The following SALL1 variants were observed in gnomAD, a reference collection of about 807,000 sequenced individuals.
The protein encoded by SALL1 is spalt like transcription factor 1.
In SALL1, 10 loss-of-function variants were observed where a neutral mutation model predicts 73.1. That is an observed-to-expected ratio of 0.14 (90% CI 0.08 to 0.23). The LOEUF is 0.23. Among genes scored for constraint, SALL1 ranks in the 10% least tolerant of loss-of-function variants. SALL1 has a pLI of 1.00. For synonymous variants in SALL1, 688 were observed against 689.8 expected, an observed-to-expected ratio of 1.00 and a Z score of 0.04; for missense variants, 1,520 against 1,697.3, an observed-to-expected ratio of 0.90 and a Z score of 1.84.
In SALL1 at chr16:51,142,515, T is replaced by C. The variant is rs143012452; in HGVS notation, c.77-370A>G. ...AAACCATTCTGAGGACTTATTAGGC[T>C]CTTGAGTTTCTGTCAACCTTATTCA... On this transcript the variant is annotated intron_variant, in intron 1 of 2. Coordinates refer to ENST00000251020, the MANE Select transcript of SALL1 (RefSeq NM_002968.3). Among the ~76,000 whole-genome samples, 160 of 152,326 alleles carry C rather than the reference T, an allele frequency of 1.1e-3. 1 individual carries two copies. The highest frequency in any genetic ancestry group is 3.7e-3 in the African/African-American group (154 of 41,566).
At chr16:51,143,683 A>G (rs1468291534) in intron 1 of SALL1, among the ~76,000 whole-genome samples, 1 of 152,198 alleles carries the variant, frequency 6.6e-6, no homozygotes, top group East Asian at 1.9e-4. Flanking sequence ...CCAGAAAATA[A>G]AATTAATACC....
Position 51,137,264 on chromosome 16 carries a change from C to T in SALL1, c.3823G>A (p.Val1275Ile), listed in dbSNP as rs4614723. ...GSLGSGNSSP[V>I]SGLTGNLERL... ...TCCAGGTTTCCCGTCAGCCCACTAA[C>T]AGGTGAGCTGTTCCCACTGCCGAGG... is the stretch of plus-strand genomic sequence containing the variant. The change falls in exon 3 of 3, where the codon GTT becomes ATT. Residue 1275 changes from valine to isoleucine, a missense_variant. This residue lies in a region of SALL1 where 318 missense variants were observed against 357.1 expected (regional missense o/e 0.89). Transcript: ENST00000251020. The T allele has an allele frequency of 1, 1,610,748 of 1,614,030 alleles. 803,803 individuals are homozygous for T. The highest frequency in any genetic ancestry group is 1 in the East Asian group (44,846 of 44,846).
intron 1 of SALL1, 37 bp from the exon 2 acceptor site, chr16:51,142,182 G>A: frequency 6.7e-7 from 1 of 1,495,540 alleles, no homozygotes; most frequent in Non-Finnish European, 9.3e-7. Context: ...TAGAAAAGGG[G>A]CCAGGACACA....
At chr16:51,149,736 G>A (rs1344656986) in intron 1 of SALL1, 3 of 152,166 alleles carry the variant, frequency 2.0e-5, no homozygotes, top group Non-Finnish European at 4.4e-5. Context: ...GGGAGCGGGG[G>A]TCCCTTCGCT....
chr16:51,151,069 G>T, intron 1 of SALL1, 97 bp downstream of exon 1: 2 of 778,036 alleles, frequency 2.6e-6, no homozygotes, highest in Non-Finnish European at 1.9e-6. Flanking sequence ...CGGCGGTGAG[G>T]TAGGGGGCGC....
At chr16:51,150,465 C>T (rs908770685) in intron 1 of SALL1, 1 of 985,470 alleles carries the variant, frequency 1.0e-6, no homozygotes, top group African/African-American at 1.7e-5. Context: ...CCGACACTTT[C>T]CCCGTCCGTT....
intron 1 of SALL1, chr16:51,150,326 C>T (rs191574359): frequency 1.9e-4 from 167 of 875,338 alleles, no homozygotes; most frequent in Non-Finnish European, 2.1e-4. Context: ...ATGACTTCTT[C>T]CCTGACCCCC....
rs767301795 is a variant in SALL1 at position 51,139,940 on chromosome 16, G to A, written c.2282C>T (p.Pro761Leu). 8 of 1,614,186 alleles carry A rather than the reference G, an allele frequency of 5.0e-6. No homozygotes were observed. The highest frequency in any genetic ancestry group is 1.7e-5 in the Admixed American group (1 of 60,020). ...THYSVHRAMP[P>L]LRVQHSCPIC... The stretch of plus-strand genomic sequence containing the variant: ...GGGGCAGGAATGCTGGACTCTGAGC[G>A]GGGGCATAGCACGATGGACACTGTA... Residue 761 changes from proline to leucine, a missense_variant, in exon 2 of 3, where the codon CCG becomes CTG. Physicochemically the swap from Pro to Leu is moderately conservative, Grantham distance 98. Coordinates refer to ENST00000251020, the MANE Select transcript of SALL1 (RefSeq NM_002968.3).
upstream of SALL1, among the ~76,000 whole-genome samples, chr16:51,151,910 G>A (rs2143482293): frequency 6.6e-6 from 1 of 151,930 alleles, no homozygotes; most frequent in African/African-American, 2.4e-5. Flanking sequence ...GCCCGCGGGG[G>A]GAGGGAGTCC....
rs778734691 is a variant in SALL1 at position 51,139,657 on chromosome 16, A to C, written c.2565T>G (p.Pro855=). The C allele has an allele frequency of 2.5e-5, 40 of 1,613,826 alleles. 1 individual carries two copies. The highest frequency in any genetic ancestry group is 3.0e-5 in the Non-Finnish European group (35 of 1,179,824). The change falls in exon 2 of 3, where the codon CCT becomes CCG. Residue 855 remains proline (P), a synonymous_variant. Coordinates refer to ENST00000251020, the MANE Select transcript of SALL1 (RefSeq NM_002968.3). ...DASQDSLSSS[P]LPLEMSSIAA... ...CGATGCTCGACATCTCGAGGGGCAA[A>C]GGCGAAGAGGATAAGCTGTCTTGGG... is the stretch of plus-strand genomic sequence containing the variant.
At chr16:51,142,824 A>G (rs933278467) in intron 1 of SALL1, among the ~76,000 whole-genome samples, 7 of 152,196 alleles carry the variant, frequency 4.6e-5, no homozygotes, top group African/African-American at 1.4e-4. Context: ...GAGAAACACA[A>G]TGATCCTAAT....
In SALL1 at chr16:51,141,644, C is replaced by T. The variant is rs761370236; in HGVS notation, c.578G>A (p.Ser193Asn). Residue 193 changes from serine to asparagine, a missense_variant, in exon 2 of 3, where the codon AGC (serine) becomes AAC (asparagine). Ser to Asn is a conservative substitution (Grantham distance 46, BLOSUM62 1). This residue lies in a region of SALL1 where 540 missense variants were observed against 567.5 expected (regional missense o/e 0.95). Transcript: ENST00000251020. The surrounding 1 kb of genome is among the most constrained non-coding windows in gnomAD (Gnocchi z 5.4). Reference sequence around the variant, plus strand: ...CTGGAGGTTCTCGATGATGACGTTGCTGTTGATTACGGAGAAGTTGCCCAG... The same window carrying T: ...CTGGAGGTTCTCGATGATGACGTTGTTGTTGATTACGGAGAAGTTGCCCAG... ...TTLGNFSVIN[S>N]NVIIENLQST... 2 of 1,613,774 alleles carry T rather than the reference C, an allele frequency of 1.2e-6. No individual in the cohort carries two copies. The highest frequency in any genetic ancestry group is 1.7e-6 in the Non-Finnish European group (2 of 1,180,030).
chr16:51,140,927 T>G lies in SALL1; in HGVS notation c.1295A>C (p.Asn432Thr). 1 of 1,614,204 alleles carries G rather than the reference T, an allele frequency of 6.2e-7. No individual in the cohort carries two copies. Among genetic ancestry groups the G allele is most frequent in the Non-Finnish European group, 8.5e-7 (1 of 1,180,044 alleles). ...ACTTTTCGCTTCAAAGGCAGTGACA[T>G]TTGGTGGCTTGCTTTTTCTTTGCTG... is the stretch of plus-strand genomic sequence containing the variant. ...LAQQRKSKPP[N>T]VTAFEAKSTS... Residue 432 changes from asparagine to threonine, a missense_variant, in exon 2 of 3, where the codon AAT becomes ACT. By Grantham distance (65) the Asn-to-Thr change is moderately conservative. Coordinates refer to ENST00000251020, the MANE Select transcript of SALL1 (RefSeq NM_002968.3). This position sits in a 1 kb window ranked among gnomAD's most constrained non-coding sequence, Gnocchi z 5.7.
chr16:51,139,422 T>C lies in SALL1; in HGVS notation c.2800A>G (p.Ser934Gly). 1 of 1,614,178 alleles carries C rather than the reference T, an allele frequency of 6.2e-7. No individual in the cohort carries two copies. The highest frequency in any genetic ancestry group is 1.1e-5 in the South Asian group (1 of 91,074). Residue 934 changes from serine to glycine, a missense_variant, in exon 2 of 3, where the codon AGC becomes GGC. Physicochemically the swap from Ser to Gly is moderately conservative, Grantham distance 56 (BLOSUM62 0). Transcript: ENST00000251020. The stretch of plus-strand genomic sequence containing the variant: ...GGTGACTTGTGGAACTCCTGCGTGC[T>C]GTTGGACGGGGACAGAGCCTGCATG... ...SSMQALSPSN[S>G]TQEFHKSPSI...
chr16:51,141,824 T>G lies in SALL1; in HGVS notation c.398A>C (p.Asn133Thr), dbSNP rs1262854281. 1.2e-6 allele frequency: 2 copies of G among 1,613,912 alleles called. No homozygotes were observed. Among genetic ancestry groups the G allele is most frequent in the Admixed American group, 1.7e-5 (1 of 60,014 alleles). ...GCTGGAAGTGCCGCTGCCGCTTTTGTTAGCAACCGGGGCCTCCACCTCCAT... is the reference window on the plus strand; with the variant it reads ...GCTGGAAGTGCCGCTGCCGCTTTTGGTAGCAACCGGGGCCTCCACCTCCAT... The part of the protein sequence containing the change: ...ESMEVEAPVA[N>T]KSGSGTSSGS... The change falls in exon 2 of 3, where the codon AAC (asparagine) becomes ACC (threonine). Residue 133 changes from asparagine (N) to threonine (T), a missense_variant. Asn to Thr is a moderately conservative substitution (Grantham distance 65). This residue lies in a region of SALL1 where 540 missense variants were observed against 567.5 expected (regional missense o/e 0.95). Coordinates refer to ENST00000251020, the MANE Select transcript of SALL1 (RefSeq NM_002968.3). This position sits in a 1 kb window ranked among gnomAD's most constrained non-coding sequence, Gnocchi z 5.4.
Position 51,137,422 on chromosome 16 carries a change from G to T in SALL1, c.3665C>A (p.Ala1222Glu). 6.2e-7 allele frequency: 1 copy of T among 1,614,064 alleles called. No individual in the cohort carries two copies. Among genetic ancestry groups the T allele is most frequent in the Non-Finnish European group, 8.5e-7 (1 of 1,180,014 alleles). Residue 1222 changes from alanine (A) to glutamate (E), a missense_variant, in exon 3 of 3, where the codon GCG becomes GAG. By Grantham distance (107) the Ala-to-Glu change is moderately radical. Around this residue, in one of 7 missense-constraint regions of SALL1, gnomAD observed 318 missense variants for 357.1 expected, o/e 0.89. Transcript: ENST00000251020. ...KFPEMFQKDL[A>E]ARSGSGDPSS... Reference sequence around the variant, plus strand: ...AGGATCCCCACTTCCTGATCTTGCCGCCAAATCCTTCTGGAACATTTCTGG... The same window carrying T: ...AGGATCCCCACTTCCTGATCTTGCCTCCAAATCCTTCTGGAACATTTCTGG...
chr16:51,140,577 G>A lies in SALL1; in HGVS notation c.1645C>T (p.Pro549Ser). Reference protein sequence around the residue: ...TSWLDTKPVLPTLTTSVGLPL... With the variant: ...TSWLDTKPVLSTLTTSVGLPL... ...AGGCCGACTGAAGTGGTCAGAGTAG[G>A]CAGGACTGGTTTGGTGTCTAGCCAG... The change falls in exon 2 of 3, where the codon CCT becomes TCT. Residue 549 changes from proline to serine, a missense_variant. Around this residue, in one of 7 missense-constraint regions of SALL1, gnomAD observed 276 missense variants for 259.1 expected, o/e 1.07. Coordinates refer to ENST00000251020, the MANE Select transcript of SALL1 (RefSeq NM_002968.3). The surrounding 1 kb of genome is among the most constrained non-coding windows in gnomAD (Gnocchi z 5.7). 6.2e-7 allele frequency: 1 copy of A among 1,614,102 alleles called. No homozygotes were observed. The highest frequency in any genetic ancestry group is 1.1e-5 in the South Asian group (1 of 91,070).
intron 1 of SALL1, among the ~76,000 whole-genome samples, chr16:51,148,669 C>T (rs956283680): frequency 1.3e-5 from 2 of 152,144 alleles, no homozygotes; most frequent in Non-Finnish European, 2.9e-5. Context: ...ACTTTCAATG[C>T]CATTTATTTC....
Position 51,142,100 on chromosome 16 carries a change from T to A in SALL1, c.122A>T (p.Asp41Val). The stretch of plus-strand genomic sequence containing the variant: ...ACAGCACCGGCCACAGACGTGGGCA[T>A]CCTTGCTCTTAGTAGGGCGACTCGG... The part of the protein sequence containing the change: ...GQPSRPTKSK[D>V]AHVCGRCCAE... The change falls in exon 2 of 3, where the codon GAT becomes GTT. Residue 41 changes from aspartate to valine, a missense_variant. By Grantham distance (152) the Asp-to-Val change is radical (BLOSUM62 -3). This residue lies in a region of SALL1 where 540 missense variants were observed against 567.5 expected (regional missense o/e 0.95). Coordinates refer to ENST00000251020, the MANE Select transcript of SALL1 (RefSeq NM_002968.3). 1 of 1,613,808 alleles carries A rather than the reference T, an allele frequency of 6.2e-7. No homozygotes were observed. Among genetic ancestry groups the A allele is most frequent in the Non-Finnish European group, 8.5e-7 (1 of 1,180,016 alleles).
Sources: gnomAD v4.1 joint callset for allele counts (sites outside exome capture counted in the v4.1 genomes callset) on GRCh38, gnomAD v4.1.1 for gene constraint, gnomAD v4.1.1 regional missense constraint, Gnocchi (gnomAD v3.1) non-coding constraint, MANE v1.5 for transcripts, NCBI Gene and HGNC (gene_info 2026-07-23, HGNC 2026-07-21) for gene names.